MCM4: variants seen among roughly 807,000 people sequenced by gnomAD.
MCM4 encodes minichromosome maintenance complex component 4, also known as DNA replication licensing factor MCM4.
MCM4 carries 60 observed loss-of-function variants against 88.7 expected under a neutral mutation model. That is an observed-to-expected ratio of 0.68 (90% CI 0.55 to 0.84). The LOEUF (loss-of-function observed/expected upper bound fraction) is 0.84. Ranked by LOEUF, MCM4 falls within the 40% of genes least tolerant of loss-of-function variation. MCM4 has a pLI of 0.00. For synonymous variants in MCM4, 465 were observed against 410.5 expected (o/e 1.13, Z -1.61); for missense variants, 1,149 against 1,105.5 (o/e 1.04, Z -0.56).
chr8:47,966,023 C>T (rs572166289), intron 8 of MCM4, among the ~76,000 whole-genome samples, 164 bp from the exon 9 acceptor site: 2 of 152,238 alleles, frequency 1.3e-5, no homozygotes, highest in Admixed American at 6.5e-5. Flanking sequence ...GCCAGAGGTT[C>T]GCTGGGCTTG....
chr8:47,970,963 A>G, intron 12 of MCM4, 87 bp downstream of exon 12: 2 of 1,467,958 alleles, frequency 1.4e-6, no homozygotes, highest in Non-Finnish European at 1.8e-6. Flanking sequence ...GTGCTGTGCT[A>G]CCTTGGTTCT....
chr8:47,962,695 T>G (rs1054168986), intron 5 of MCM4, 69 bp from the exon 6 acceptor site: 6 of 838,692 alleles, frequency 7.2e-6, no homozygotes, highest in East Asian at 4.9e-5. Flanking sequence ...ACTCATAACT[T>G]TGTGTGTTTT....
chr8:47,965,597 G>C, intron 8 of MCM4, among the ~76,000 whole-genome samples: 1 of 152,272 alleles, frequency 6.6e-6, no homozygotes, highest in South Asian at 2.1e-4. Flanking sequence ...AATTAGTTGC[G>C]GGCAGTGGGA....
chr8:47,961,456 A>T, intron 2 of MCM4, 60 bp from the exon 3 acceptor site: 1 of 1,611,832 alleles, frequency 6.2e-7, no homozygotes, highest in Non-Finnish European at 8.5e-7. Flanking sequence ...GGAAAAGACA[A>T]ATCCAGGAAG....
intron 7 of MCM4, among the ~76,000 whole-genome samples, chr8:47,964,362 C>A (rs1003689409): frequency 2.0e-5 from 3 of 152,180 alleles, no homozygotes; most frequent in Non-Finnish European, 4.4e-5. Context: ...AAGGCACTTT[C>A]GTATAAATTA....
intron 2 of MCM4, 52 bp downstream of exon 2, chr8:47,961,266 CCT>C: frequency 1.4e-6 from 2 of 1,435,882 alleles, no homozygotes; most frequent in Non-Finnish European, 1.8e-6. Flanking sequence ...CCCCGTCTGC[CCT>C]CTCGCCGCAG....
In MCM4 at chr8:47,969,984, G is replaced by C; in HGVS notation, c.1361G>C (p.Arg454Thr). The C allele has an allele frequency of 6.2e-7, 1 of 1,614,216 alleles. No individual in the cohort carries two copies. The highest frequency in any genetic ancestry group is 8.5e-7 in the Non-Finnish European group (1 of 1,180,042). ...GTGGAATTGCTTAAGGAACTTTCCA[G>C]GAAACCAGACATTTATGAGAGGCTT... Reference protein sequence around the residue: ...KRVELLKELSRKPDIYERLAS... With the variant: ...KRVELLKELSTKPDIYERLAS... The change falls in exon 11 of 17, where the codon AGG becomes ACG. Residue 454 changes from arginine (R) to threonine (T), a missense_variant. Arg to Thr is a moderately conservative substitution (Grantham distance 71). Coordinates refer to ENST00000649973, the MANE Select transcript of MCM4 (RefSeq NM_182746.3).
At chr8:47,961,937 C>T in intron 3 of MCM4, 116 bp from the exon 4 acceptor site, 3 of 1,034,924 alleles carry the variant, frequency 2.9e-6, no homozygotes, top group Non-Finnish European at 4.3e-6. Flanking sequence ...TCAGCCACCG[C>T]AGGTTGCAAT....
At chr8:47,973,270 G>A (rs1054716690) in intron 14 of MCM4, among the ~76,000 whole-genome samples, 10 of 151,654 alleles carry the variant, frequency 6.6e-5, no homozygotes, top group Admixed American at 2.6e-4. Flanking sequence ...CTGTGCTTCT[G>A]GGTTCAAGCG....
intron 5 of MCM4, 93 bp downstream of exon 5, chr8:47,962,499 A>C (rs1327971285): frequency 1.5e-6 from 2 of 1,291,734 alleles, no homozygotes; most frequent in Non-Finnish European, 2.2e-6. Context: ...TAATGACTAG[A>C]AGGGCCACCT....
In MCM4 at chr8:47,962,769, TC is replaced by T; in HGVS notation, c.508del (p.Leu170PhefsTer17). 6.3e-7 allele frequency: 1 copy of T among 1,598,162 alleles called. No individual in the cohort carries two copies. Among genetic ancestry groups the T allele is most frequent in the Non-Finnish European group, 8.5e-7 (1 of 1,173,556 alleles). On this transcript the variant is annotated frameshift_variant, in exon 6 of 17. Coordinates refer to ENST00000649973, the MANE Select transcript of MCM4 (RefSeq NM_182746.3). LOFTEE classifies it high-confidence loss of function. ...AACKENFQRF[L>X]QRFIDPLAKE... ...AGTTTTCTCTCCACTTAAAGAGATT[TC>T]TTCAGCGTTTTATTGACCCTCTGGC...
At position 47,971,450 on chromosome 8, in the gene MCM4, C is replaced by T. The variant is rs751464180; in HGVS notation, c.1910C>T (p.Pro637Leu). ...ACAACCATTGAAAACATCCAGCTGC[C>T]TCATACTTTATTATCAAGGTATTAA... ...KKTTIENIQL[P>L]HTLLSRFDLI... Residue 637 changes from proline (P) to leucine (L), a missense_variant, in exon 13 of 17, where the codon CCT becomes CTT. By Grantham distance (98) the Pro-to-Leu change is moderately conservative. This residue lies in a region of MCM4 where 906 missense variants were observed against 843.0 expected (regional missense o/e 1.07). Transcript: ENST00000649973. The T allele has an allele frequency of 1.2e-6, 2 of 1,614,078 alleles. No individual in the cohort carries two copies. Among genetic ancestry groups the T allele is most frequent in the South Asian group, 1.1e-5 (1 of 91,076 alleles).
chr8:47,975,932 T>A, intron 16 of MCM4, 84 bp downstream of exon 16: 1 of 862,788 alleles, frequency 1.2e-6, no homozygotes, highest in Non-Finnish European at 1.6e-6. Flanking sequence ...CTTTATTTAT[T>A]AAATAATAAA....
chr8:47,970,854 A>G lies in MCM4; in HGVS notation c.1778A>G (p.Gln593Arg). Residue 593 changes from glutamine (Q) to arginine (R), a missense_variant, in exon 12 of 17, where the codon CAG becomes CGG. By Grantham distance (43) the Gln-to-Arg change is conservative. Coordinates refer to ENST00000649973, the MANE Select transcript of MCM4 (RefSeq NM_182746.3). Reference sequence around the variant, plus strand: ...TCGGTATTGCATGAAGTCATGGAACAGCAGACTCTGTCCATTGCAAAGGTG... The same window carrying G: ...TCGGTATTGCATGAAGTCATGGAACGGCAGACTCTGTCCATTGCAAAGGTG... ...TRSVLHEVMEQQTLSIAKAGI... is the reference protein window; with the variant it reads ...TRSVLHEVMERQTLSIAKAGI... 1 of 1,601,662 alleles carries G rather than the reference A, an allele frequency of 6.2e-7. No homozygotes were observed. Among genetic ancestry groups the G allele is most frequent in the Non-Finnish European group, 8.5e-7 (1 of 1,170,804 alleles).
chr8:47,966,666 T>G (rs2090901533), intron 9 of MCM4, among the ~76,000 whole-genome samples: 1 of 152,240 alleles, frequency 6.6e-6, no homozygotes, highest in African/African-American at 2.4e-5. Flanking sequence ...CCTAAAATGC[T>G]TCAAACGTTT....
chr8:47,968,526 C>A (rs1201153268), intron 10 of MCM4, among the ~76,000 whole-genome samples: 1 of 152,132 alleles, frequency 6.6e-6, no homozygotes, highest in Non-Finnish European at 1.5e-5. Context: ...TGTTTGGGGC[C>A]AAGGGGCTGT....
intron 13 of MCM4, 122 bp from the exon 14 acceptor site, chr8:47,972,735 T>A: frequency 1.5e-6 from 1 of 679,980 alleles, no homozygotes; most frequent in South Asian, 1.8e-5. Flanking sequence ...TGTTGCATTT[T>A]TAGTAGAGAC....
chr8:47,974,473 G>A (rs568191675), intron 14 of MCM4: 2 of 436,168 alleles, frequency 4.6e-6, no homozygotes, highest in South Asian at 2.6e-5. Context: ...TACGTTAGAT[G>A]CCACCCTCTC....
At chr8:47,966,956 G>C (rs1589830255) in intron 9 of MCM4, among the ~76,000 whole-genome samples, 1 of 152,344 alleles carries the variant, frequency 6.6e-6, no homozygotes, top group African/African-American at 2.4e-5. Flanking sequence ...TGTTGCATGG[G>C]ATGGAGAGCT....
Sources: gnomAD v4.1 joint callset for allele counts (sites outside exome capture counted in the v4.1 genomes callset) on GRCh38, gnomAD v4.1.1 for gene constraint, gnomAD v4.1.1 regional missense constraint, MANE v1.5 for transcripts, NCBI Gene and HGNC (gene_info 2026-07-23, HGNC 2026-07-21) for gene names.